The following PCDHA3 variants were observed in gnomAD, a reference collection of about 807,000 sequenced individuals.
PCDHA3 encodes the protein protocadherin alpha-3.
PCDHA3 carries 41 observed loss-of-function variants against 62.2 expected under a neutral mutation model. The ratio of observed to expected loss-of-function variants is 0.66; its 90% confidence interval spans 0.51 to 0.86. The LOEUF (loss-of-function observed/expected upper bound fraction) is 0.86, where lower values mean the gene tolerates loss of function less well. Among genes scored for constraint, PCDHA3 ranks in the 40% least tolerant of loss-of-function variants. PCDHA3 has a pLI of 0.00. For synonymous variants in PCDHA3, 640 were observed against 555.4 expected (o/e 1.15, Z -2.14); for missense variants, 1,304 against 1,241.2 (o/e 1.05, Z -0.76).
At chr5:140,870,751 C>T in intron 1 of PCDHA3, 3 of 1,613,546 alleles carry the variant, frequency 1.9e-6, no homozygotes, top group Non-Finnish European at 2.5e-6. Context: ...CAACGTGACG[C>T]TGCAGGTGTT....
chr5:140,870,666 G>T (rs782557554), intron 1 of PCDHA3: 1 of 1,612,662 alleles, frequency 6.2e-7, no homozygotes, highest in Admixed American at 1.7e-5. Context: ...CGCTGCAGCC[G>T]TTGGACCACG....
At position 141,009,698 on chromosome 5, in the gene PCDHA3, G is replaced by A. The variant is rs900919931; in HGVS notation, c.2614G>A (p.Gly872Arg). The part of the protein sequence containing the change: ...VNSNSWTFKY[G>R]PGNPKQSGPG... Reference sequence around the variant, plus strand: ...CAGCAACAGCTGGACCTTTAAATACGGACCAGGCAACCCCAAACAATCCGG... The same window carrying A: ...CAGCAACAGCTGGACCTTTAAATACAGACCAGGCAACCCCAAACAATCCGG... The change falls in exon 4 of 4, where the codon GGA (glycine) becomes AGA (arginine). Residue 872 changes from glycine (G) to arginine (R), a missense_variant. Physicochemically the swap from Gly to Arg is moderately radical, Grantham distance 125. Transcript: ENST00000522353. The A allele has an allele frequency of 1.9e-6, 3 of 1,614,030 alleles. No homozygotes were observed. The highest frequency in any genetic ancestry group is 1.1e-5 in the South Asian group (1 of 91,066).
At chr5:140,829,915 G>T in intron 1 of PCDHA3, 1 of 1,614,008 alleles carries the variant, frequency 6.2e-7, no homozygotes, top group Middle Eastern at 1.7e-4. Flanking sequence ...CGTGGCTTTC[G>T]TATGAGCTGC....
At chr5:140,901,329 T>A (rs180738358) in intron 1 of PCDHA3, among the ~76,000 whole-genome samples, 102 of 152,302 alleles carry the variant, frequency 6.7e-4, no homozygotes, top group Admixed American at 1.2e-3. Context: ...TTTCTTGTAG[T>A]CGTTTTATAG....
intron 1 of PCDHA3, among the ~76,000 whole-genome samples, chr5:140,897,888 G>C (rs1554187649): frequency 6.6e-6 from 1 of 152,150 alleles, no homozygotes; most frequent in Non-Finnish European, 1.5e-5. Flanking sequence ...ATTCTAACTG[G>C]TGTGAGATGG....
chr5:140,884,057 G>C lies in PCDHA3; in HGVS notation c.2394+80466G>C, dbSNP rs141156800. On this transcript the variant is annotated intron_variant, in intron 1 of 3. Transcript: ENST00000522353. ...CCACGTGGTGGCGAAGGTGCGCGCG[G>C]TGGACGCCGATTCGGGCTACAATGC... 6.2e-6 allele frequency: 10 copies of C among 1,613,422 alleles called. No homozygotes were observed. In the African/African-American group the frequency reaches 1.3e-4, roughly 22 times the overall value.
intron 3 of PCDHA3, among the ~76,000 whole-genome samples, chr5:141,002,953 T>G (rs2098104496): frequency 1.3e-5 from 2 of 152,230 alleles, no homozygotes; most frequent in Non-Finnish European, 2.9e-5. Context: ...CATGCCCCTC[T>G]GAGAGCTTTC....
intron 1 of PCDHA3, among the ~76,000 whole-genome samples, chr5:140,947,550 G>A (rs967081376): frequency 7.3e-5 from 11 of 151,402 alleles, no homozygotes; most frequent in Admixed American, 3.9e-4. Flanking sequence ...AAAGAATTCC[G>A]CTGGGATTTA....
intron 3 of PCDHA3, among the ~76,000 whole-genome samples, chr5:140,994,778 G>A (rs1488910527): frequency 1.3e-5 from 2 of 152,152 alleles, no homozygotes; most frequent in Non-Finnish European, 2.9e-5. Flanking sequence ...TCCAGGCAAA[G>A]GAAACAATGC....
At chr5:140,809,628 C>CT in intron 1 of PCDHA3, 1 of 1,506,716 alleles carries the variant, frequency 6.6e-7, no homozygotes, top group South Asian at 1.4e-5. Context: ...CTATCAACTT[C>CT]TTCGTAAATT....
At chr5:140,940,645 A>G (rs1554213545) in intron 1 of PCDHA3, among the ~76,000 whole-genome samples, 1 of 152,156 alleles carries the variant, frequency 6.6e-6, no homozygotes, top group Non-Finnish European at 1.5e-5. Flanking sequence ...TCATTTATTT[A>G]TTTAAATATA....
chr5:140,853,643 T>C, intron 1 of PCDHA3: 2 of 988,768 alleles, frequency 2.0e-6, no homozygotes, highest in Non-Finnish European at 2.4e-6. Flanking sequence ...AGACCTAAAT[T>C]GAGCCTGTTC....
chr5:140,982,584 C>T (rs1554244599), intron 3 of PCDHA3, 21 bp downstream of exon 3: 1 of 1,612,032 alleles, frequency 6.2e-7, no homozygotes, highest in East Asian at 2.2e-5. Flanking sequence ...GGGGTCTCTC[C>T]ATTCTTTCTT....
intron 1 of PCDHA3, chr5:140,927,075 C>A (rs1304732952): frequency 1.9e-6 from 3 of 1,611,070 alleles, no homozygotes; most frequent in Non-Finnish European, 2.5e-6. Context: ...TTTCCAGCCA[C>A]CGCGAGCTCT....
intron 1 of PCDHA3, chr5:140,804,930 T>C: frequency 9.0e-7 from 1 of 1,105,572 alleles, no homozygotes; most frequent in Non-Finnish European, 1.2e-6. Flanking sequence ...TTTGGCACTA[T>C]CCTTTGTTGC....
intron 1 of PCDHA3, among the ~76,000 whole-genome samples, chr5:140,900,747 CTTGGTAGCTCTATT>C (rs545406022): frequency 3.1e-4 from 47 of 152,302 alleles, no homozygotes; most frequent in African/African-American, 1.1e-3. Flanking sequence ...TTCTGGATCA[CTTGGTAGCTCTATT>C]TTTGGCTTTT....
chr5:140,848,521 C>T lies in PCDHA3; in HGVS notation c.2394+44930C>T, dbSNP rs2150411815. The T allele has an allele frequency of 1.3e-6, 2 of 1,592,868 alleles. 1 individual carries two copies. The highest frequency in any genetic ancestry group is 1.7e-6 in the Non-Finnish European group (2 of 1,164,010). On this transcript the variant is annotated intron_variant, in intron 1 of 3. Coordinates refer to ENST00000522353, the MANE Select transcript of PCDHA3 (RefSeq NM_018906.3). Reference sequence around the variant, plus strand: ...ATGTTATACTCAAGTCGAGGAGATCCAGAGGGTCAGCCTCTACTGCTCTCG... The same window carrying T: ...ATGTTATACTCAAGTCGAGGAGATCTAGAGGGTCAGCCTCTACTGCTCTCG...
intron 1 of PCDHA3, among the ~76,000 whole-genome samples, chr5:140,827,290 C>T (rs190258137): frequency 6.6e-6 from 1 of 152,284 alleles, no homozygotes; most frequent in African/African-American, 2.4e-5. Flanking sequence ...GAATCAAAAA[C>T]AGCAAAGCAC....
intron 1 of PCDHA3, among the ~76,000 whole-genome samples, chr5:140,947,404 T>G (rs1305199507): frequency 6.6e-6 from 1 of 151,736 alleles, no homozygotes; most frequent in Non-Finnish European, 1.5e-5. Flanking sequence ...GTAGACTGTC[T>G]TGATATTGTA....
Sources: gnomAD v4.1 joint callset for allele counts (sites outside exome capture counted in the v4.1 genomes callset) on GRCh38, gnomAD v4.1.1 for gene constraint, MANE v1.5 for transcripts, NCBI Gene and HGNC (gene_info 2026-07-23, HGNC 2026-07-21) for gene names.